Variants in NDFIP2 observed in about 807,000 individuals in gnomAD.
NDFIP2 encodes Nedd4 family interacting protein 2.
A neutral mutation model predicts 36.0 loss-of-function variants in NDFIP2; 19 were observed. That is an observed-to-expected ratio of 0.53 (90% CI 0.37 to 0.77). The LOEUF is 0.77. Among genes scored for constraint, NDFIP2 ranks in the 30% least tolerant of loss-of-function variants. The pLI is 0.00. For synonymous variants in NDFIP2, 181 were observed against 167.7 expected (o/e 1.08, Z -0.61); for missense variants, 446 against 435.8 (o/e 1.02, Z -0.21).
intron 5 of NDFIP2, among the ~76,000 whole-genome samples, chr13:79,545,456 G>A (rs1270283771): frequency 6.6e-6 from 1 of 152,098 alleles, no homozygotes; most frequent in African/African-American, 2.4e-5. Context: ...TTGATCACCA[G>A]GACTGTTTAG....
intron 1 of NDFIP2, among the ~76,000 whole-genome samples, chr13:79,512,589 G>A (rs1874119317): frequency 6.6e-6 from 1 of 152,214 alleles, no homozygotes; most frequent in African/African-American, 2.4e-5. Flanking sequence ...TGTTGGCTTG[G>A]CAGGGTCTGA....
chr13:79,537,012 T>A (rs1161176866), intron 3 of NDFIP2, among the ~76,000 whole-genome samples: 1 of 152,022 alleles, frequency 6.6e-6, no homozygotes, highest in East Asian at 1.9e-4. Flanking sequence ...ATTGTGCCAC[T>A]GCACTCCAGC....
chr13:79,536,546 A>G (rs1875250676), intron 3 of NDFIP2, among the ~76,000 whole-genome samples: 1 of 152,168 alleles, frequency 6.6e-6, no homozygotes, highest in African/African-American at 2.4e-5. Flanking sequence ...TTAATGTTTA[A>G]TGTAGTTGAA....
chr13:79,539,940 A>C (rs147824082), intron 4 of NDFIP2, among the ~76,000 whole-genome samples, 165 bp downstream of exon 4: 57 of 152,356 alleles, frequency 3.7e-4, no homozygotes, highest in African/African-American at 1.3e-3. Context: ...TCATATGTTT[A>C]AATACAAATC....
chr13:79,515,399 C>T (rs1874255803), intron 1 of NDFIP2, among the ~76,000 whole-genome samples: 1 of 152,114 alleles, frequency 6.6e-6, no homozygotes, highest in Non-Finnish European at 1.5e-5. Flanking sequence ...AAACAAGAAG[C>T]TGAAAATTAG....
At chr13:79,483,428 T>C (rs1232558537) in intron 1 of NDFIP2, among the ~76,000 whole-genome samples, 1 of 152,148 alleles carries the variant, frequency 6.6e-6, no homozygotes, top group African/African-American at 2.4e-5. Context: ...CAATAGACTT[T>C]TTAAACTAGG....
chr13:79,505,508 T>C (rs1873828172), intron 1 of NDFIP2, among the ~76,000 whole-genome samples: 1 of 152,022 alleles, frequency 6.6e-6, no homozygotes, highest in South Asian at 2.1e-4. Context: ...TGGTGCCTGC[T>C]TGTCCCAGAT....
At chr13:79,549,423 A>T (rs1411982309) in intron 6 of NDFIP2, among the ~76,000 whole-genome samples, 2 of 151,922 alleles carry the variant, frequency 1.3e-5, no homozygotes, top group African/African-American at 4.8e-5. Flanking sequence ...TATATATATT[A>T]TTTAGAGATT....
rs992958051 is a variant in NDFIP2 at position 79,496,969 on chromosome 13, T to G, written c.321+15445T>G. Among the ~76,000 whole-genome samples, 25 of 152,222 alleles carry G rather than the reference T, an allele frequency of 1.6e-4. 1 individual carries two copies. The highest frequency in any genetic ancestry group is 6.8e-3 in the Middle Eastern group (2 of 294). ...GTTTCCTGAAACGTAGTTGTAATAG[T>G]TGCTTTATAATCCTTATATGTTAAC... On this transcript the variant is annotated intron_variant, in intron 1 of 7. Transcript: ENST00000218652.
chr13:79,536,511 CTT>C (rs1289873119), intron 3 of NDFIP2, among the ~76,000 whole-genome samples: 3 of 152,128 alleles, frequency 2.0e-5, no homozygotes, highest in Admixed American at 6.5e-5. Flanking sequence ...ATTTTGATGT[CTT>C]TACCAATTTC....
In NDFIP2 at chr13:79,540,633, T is replaced by C. The variant is rs149023646; in HGVS notation, c.715+858T>C. ...ATAAAACCGAGAAATAATTTACTTA[T>C]TTAAAGTGCCACATTCAGCTTTAAA... On this transcript the variant is annotated intron_variant, in intron 4 of 7. Coordinates refer to ENST00000218652, the MANE Select transcript of NDFIP2 (RefSeq NM_019080.3). Among the ~76,000 whole-genome samples, 54 of 152,294 alleles carry C rather than the reference T, an allele frequency of 3.5e-4. 2 individuals are homozygous for C. In the East Asian group the frequency reaches 6.4e-3, roughly 18 times the overall value.
At chr13:79,510,313 T>G (rs922858162) in intron 1 of NDFIP2, among the ~76,000 whole-genome samples, 4 of 152,048 alleles carry the variant, frequency 2.6e-5, no homozygotes, top group Admixed American at 1.3e-4. Flanking sequence ...AGTTAATCCC[T>G]AATCCACTGA....
intron 2 of NDFIP2, among the ~76,000 whole-genome samples, chr13:79,523,029 C>T (rs1238174897): frequency 6.6e-6 from 1 of 152,114 alleles, no homozygotes; most frequent in Non-Finnish European, 1.5e-5. Context: ...ACAGTCTCTC[C>T]TATTTCAATA....
chr13:79,504,536 G>A (rs953175707), intron 1 of NDFIP2, among the ~76,000 whole-genome samples: 30 of 151,952 alleles, frequency 2.0e-4, no homozygotes, highest in Admixed American at 1.2e-3. Flanking sequence ...ATGTCACATA[G>A]CAAAAGAAAA....
intron 2 of NDFIP2, among the ~76,000 whole-genome samples, chr13:79,530,264 C>T (rs1874964776): frequency 6.6e-6 from 1 of 151,956 alleles, no homozygotes; most frequent in African/African-American, 2.4e-5. Flanking sequence ...GCTGGTACTA[C>T]AGGGACAGCT....
chr13:79,499,388 CAAGG>C (rs1486448549), intron 1 of NDFIP2, among the ~76,000 whole-genome samples: 3 of 151,620 alleles, frequency 2.0e-5, no homozygotes, highest in Non-Finnish European at 4.4e-5. Context: ...TGCAATATGA[CAAGG>C]AAGGAAATAA....
chr13:79,527,562 G>A (rs996502378), intron 2 of NDFIP2, among the ~76,000 whole-genome samples: 2 of 152,126 alleles, frequency 1.3e-5, no homozygotes, highest in African/African-American at 4.8e-5. Context: ...TGACATGGTA[G>A]CTGTCGTAAG....
intron 2 of NDFIP2, among the ~76,000 whole-genome samples, chr13:79,522,929 AGAG>A (rs1252258998): frequency 6.6e-6 from 1 of 152,232 alleles, no homozygotes; most frequent in Non-Finnish European, 1.5e-5. Context: ...CTTCTTGATG[AGAG>A]GAGTTTTAAA....
At chr13:79,494,763 TG>T (rs1425278452) in intron 1 of NDFIP2, among the ~76,000 whole-genome samples, 1 of 152,040 alleles carries the variant, frequency 6.6e-6, no homozygotes, top group Non-Finnish European at 1.5e-5. Context: ...AAAGGATACT[TG>T]GGAGGTTAAA....
Sources: allele counts gnomAD v4.1 joint callset (sites outside exome capture counted in the v4.1 genomes callset), GRCh38; gene constraint gnomAD v4.1.1; transcripts MANE v1.5; gene names NCBI Gene and HGNC (gene_info 2026-07-23, HGNC 2026-07-21).